The following PRDM1 variants were observed in gnomAD, a reference collection of about 807,000 sequenced individuals.
The protein encoded by PRDM1 is PR domain zinc finger protein 1.
PRDM1 carries 13 observed loss-of-function variants against 62.8 expected under a neutral mutation model. That is an observed-to-expected ratio of 0.21 (90% CI 0.13 to 0.33). The LOEUF (loss-of-function observed/expected upper bound fraction) is 0.33, where lower values mean the gene tolerates loss of function less well. Ranked by LOEUF, PRDM1 falls within the 10% of genes least tolerant of loss-of-function variation. The pLI is 1.00. For synonymous variants in PRDM1, 396 were observed against 417.6 expected (o/e 0.95, Z 0.63); for missense variants, 895 against 1,058.8 (o/e 0.85, Z 2.15).
At chr6:105,998,495 G>A (rs551280770) in intron 1 of PRDM1, among the ~76,000 whole-genome samples, 15 of 152,250 alleles carry the variant, frequency 9.9e-5, no homozygotes, top group African/African-American at 3.4e-4. Context: ...AAGGTGCAAC[G>A]TTTTGCTTGA....
chr6:106,020,464 C>T (rs1772686454), intron 1 of PRDM1, among the ~76,000 whole-genome samples: 1 of 152,010 alleles, frequency 6.6e-6, no homozygotes, highest in Non-Finnish European at 1.5e-5. Context: ...CATGCCTGGC[C>T]TACATTTATG....
chr6:106,048,370 G>A (rs1415251363), upstream of PRDM1, among the ~76,000 whole-genome samples: 1 of 151,950 alleles, frequency 6.6e-6, no homozygotes, highest in Non-Finnish European at 1.5e-5. Flanking sequence ...CTGGGCAACA[G>A]AGACAGTGTC....
At chr6:105,993,908 T>C (rs776501232) in intron 1 of PRDM1, among the ~76,000 whole-genome samples, 1 of 152,200 alleles carries the variant, frequency 6.6e-6, no homozygotes, top group Non-Finnish European at 1.5e-5. Flanking sequence ...GTTTGGAGAA[T>C]AGAATTTCGT....
At chr6:106,075,955 ATT>A (rs529520354) in intron 1 of PRDM1, among the ~76,000 whole-genome samples, 8 of 146,226 alleles carry the variant, frequency 5.5e-5, no homozygotes, top group African/African-American at 1.8e-4. Flanking sequence ...AAAAAAAAAA[ATT>A]TTTTTTTTTT....
chr6:106,027,840 G>A (rs1194685648), intron 1 of PRDM1, among the ~76,000 whole-genome samples: 1 of 152,150 alleles, frequency 6.6e-6, no homozygotes, highest in Admixed American at 6.5e-5. Context: ...TGGCTGCTTT[G>A]CTGACTGTTC....
chr6:106,106,725 C>A lies in PRDM1; in HGVS notation c.1903-186C>A, dbSNP rs761585765. 6.6e-6 allele frequency among the ~76,000 whole-genome samples: 1 copy of A among 152,176 alleles called. No individual in the cohort carries two copies. Among genetic ancestry groups the A allele is most frequent in the East Asian group, 1.9e-4 (1 of 5,196 alleles). Reference sequence around the variant, plus strand: ...GGAAAATGGTAGGGGAAATAAACAGCCCCTCGTGTGCTGTGTGCCCACATC... The same window carrying A: ...GGAAAATGGTAGGGGAAATAAACAGACCCTCGTGTGCTGTGTGCCCACATC... On this transcript the variant is annotated intron_variant, in intron 6 of 6. Coordinates refer to ENST00000369096, the MANE Select transcript of PRDM1 (RefSeq NM_001198.4). The surrounding 1 kb of genome is among the most constrained non-coding windows in gnomAD (Gnocchi z 4.4).
chr6:106,079,563 T>C (rs1209745624), intron 1 of PRDM1, among the ~76,000 whole-genome samples: 4 of 152,232 alleles, frequency 2.6e-5, no homozygotes, highest in African/African-American at 9.6e-5. Context: ...TTTGGGAAGC[T>C]GAGGCAGGCA....
chr6:106,050,079 G>A (rs1187530570), intron 1 of PRDM1, among the ~76,000 whole-genome samples: 1 of 152,162 alleles, frequency 6.6e-6, no homozygotes, highest in African/African-American at 2.4e-5. Context: ...ATGCTGGTGT[G>A]ATGTGAACTT....
chr6:106,051,156 A>G (rs1460271115), intron 1 of PRDM1, among the ~76,000 whole-genome samples: 1 of 152,240 alleles, frequency 6.6e-6, no homozygotes, highest in Non-Finnish European at 1.5e-5. Flanking sequence ...GCCCGACTGA[A>G]GAGAAACTTA....
At chr6:106,080,191 G>A (rs902006322) in intron 1 of PRDM1, among the ~76,000 whole-genome samples, 32 of 152,228 alleles carry the variant, frequency 2.1e-4, no homozygotes, top group African/African-American at 7.7e-4. Flanking sequence ...ATGAATCAGT[G>A]AGGCATGCAC....
At chr6:106,019,465 A>G (rs1772666292) in intron 1 of PRDM1, among the ~76,000 whole-genome samples, 1 of 151,590 alleles carries the variant, frequency 6.6e-6, no homozygotes, top group African/African-American at 2.4e-5. Flanking sequence ...AATAGAACTG[A>G]AAATTTGATT....
intron 1 of PRDM1, among the ~76,000 whole-genome samples, chr6:106,015,312 G>T (rs1243090251): frequency 1.3e-5 from 2 of 152,018 alleles, no homozygotes; most frequent in African/African-American, 4.8e-5. Context: ...TTTTGTTAAT[G>T]AAGTAGAAAA....
chr6:106,076,153 G>A (rs1404159205), intron 1 of PRDM1, among the ~76,000 whole-genome samples: 4 of 151,986 alleles, frequency 2.6e-5, no homozygotes, highest in African/African-American at 9.7e-5. Context: ...GTTTTGCCAT[G>A]TTGCCCAGGC....
chr6:106,080,055 G>A lies in PRDM1; in HGVS notation c.-66-8146G>A, dbSNP rs144769667. On this transcript the variant is annotated intron_variant, in intron 1 of 6. Transcript: ENST00000651185. ...GGAAGGAGAGCACATGCAGGTAGGC[G>A]CCAAATTGGCATTTAAAGCTCTGTT... Among the ~76,000 whole-genome samples, 329 of 152,288 alleles carry A rather than the reference G, an allele frequency of 2.2e-3. 1 individual carries two copies. Among genetic ancestry groups the A allele is most frequent in the Admixed American group, 0.017 (263 of 15,286 alleles).
In PRDM1 at chr6:106,107,502, C is replaced by T. The variant is rs777134617; in HGVS notation, c.*16C>T. The T allele has an allele frequency of 3.8e-6, 6 of 1,575,070 alleles. No individual in the cohort carries two copies. The highest frequency in any genetic ancestry group is 1.2e-5 in the South Asian group (1 of 86,678). ...GGATCCTTAAGATTTTCAGAAAACACTTATTTTGTTTCTTAAGTTATGACT... is the reference window on the plus strand; with the variant it reads ...GGATCCTTAAGATTTTCAGAAAACATTTATTTTGTTTCTTAAGTTATGACT... On this transcript the variant is annotated 3_prime_UTR_variant, in exon 7 of 7. Transcript: ENST00000369096.
chr6:106,071,167 G>T (rs560189488), intron 1 of PRDM1, among the ~76,000 whole-genome samples: 1 of 152,014 alleles, frequency 6.6e-6, no homozygotes, highest in African/African-American at 2.4e-5. Flanking sequence ...AGCTACTTGT[G>T]GGGGCTGAGG....
chr6:106,057,022 A>G (rs1267302580), intron 1 of PRDM1, among the ~76,000 whole-genome samples: 1 of 152,270 alleles, frequency 6.6e-6, no homozygotes, highest in Non-Finnish European at 1.5e-5. Context: ...GAAAGGGTTC[A>G]TCAGAAATTG....
chr6:106,086,946 C>T (rs1049327066), intron 1 of PRDM1, among the ~76,000 whole-genome samples: 1 of 151,332 alleles, frequency 6.6e-6, no homozygotes, highest in Non-Finnish European at 1.5e-5. Context: ...AGCAGGTTTG[C>T]TTAAATCATA....
intron 1 of PRDM1, among the ~76,000 whole-genome samples, chr6:106,032,658 A>T (rs1772861473): frequency 6.6e-6 from 1 of 151,742 alleles, no homozygotes; most frequent in Admixed American, 6.6e-5. Flanking sequence ...GGCCAGGATG[A>T]TCTTGATCTC....
Sources: gnomAD v4.1 joint callset for allele counts (sites outside exome capture counted in the v4.1 genomes callset) on GRCh38, gnomAD v4.1.1 for gene constraint, Gnocchi (gnomAD v3.1) non-coding constraint, MANE v1.5 for transcripts, NCBI Gene and HGNC (gene_info 2026-07-23, HGNC 2026-07-21) for gene names.